The following DMD variants were observed in gnomAD, a reference collection of about 807,000 sequenced individuals.
DMD encodes the protein dystrophin.
Under a neutral mutation model 330.1 loss-of-function variants are expected in DMD, and 63 were observed. The observed-to-expected ratio is 0.19, with a 90% CI of 0.16 to 0.24. DMD has a LOEUF of 0.24. Among genes scored for constraint, DMD ranks in the 10% least tolerant of loss-of-function variants. The pLI is 1.00. For synonymous variants in DMD, 1,223 were observed against 959.8 expected (o/e 1.27, Z -5.07); for missense variants, 3,344 against 2,684.1 (o/e 1.25, Z -5.43).
chrX:33,205,115 C>T (rs1263924134), intron 1 of DMD, among the ~76,000 whole-genome samples: 1 of 112,562 alleles, frequency 8.9e-6, no homozygotes, highest in Non-Finnish European at 1.9e-5. Flanking sequence ...TAGTTAACCA[C>T]CTACAAGCCA....
At chrX:31,607,846 A>C (rs1190294938) in intron 55 of DMD, among the ~76,000 whole-genome samples, 2 of 112,289 alleles carry the variant, frequency 1.8e-5, no homozygotes, top group Non-Finnish European at 3.8e-5. Context: ...ACTAAACATG[A>C]AGAAATTCAG....
chrX:31,569,642 G>GTATATACGTA (rs1286782062), intron 55 of DMD, among the ~76,000 whole-genome samples: 19 of 73,862 alleles, frequency 2.6e-4, no homozygotes, highest in African/African-American at 7.9e-4. Context: ...GTATATATAT[G>GTATATACGTA]TATATACGTA....
At chrX:32,679,560 C>T (rs1407840800) in intron 9 of DMD, among the ~76,000 whole-genome samples, 1 of 109,999 alleles carries the variant, frequency 9.1e-6, no homozygotes, top group East Asian at 2.8e-4. Flanking sequence ...AAATGTAATT[C>T]AAAAACATTT....
chrX:32,733,025 G>A (rs1392791617), intron 7 of DMD, among the ~76,000 whole-genome samples: 2 of 110,139 alleles, frequency 1.8e-5, no homozygotes, highest in African/African-American at 6.7e-5. Flanking sequence ...CCCATCTCAT[G>A]TGCAGAGACA....
At chrX:31,338,294 T>C (rs1298871214) in intron 61 of DMD, among the ~76,000 whole-genome samples, 8 of 75,121 alleles carry the variant, frequency 1.1e-4, no homozygotes, top group Non-Finnish European at 1.7e-4. Context: ...TGAAACCCCG[T>C]CTCTAGTAAA....
intron 42 of DMD, among the ~76,000 whole-genome samples, chrX:32,309,376 TA>T (rs771741599): frequency 9.0e-5 from 10 of 111,388 alleles, no homozygotes; most frequent in Non-Finnish European, 1.9e-4. Context: ...ATTTTGAGTG[TA>T]AAATGTACGA....
intron 43 of DMD, among the ~76,000 whole-genome samples, chrX:32,259,747 T>C (rs1392666755): frequency 8.9e-6 from 1 of 111,903 alleles, no homozygotes; most frequent in Non-Finnish European, 1.9e-5. Flanking sequence ...AGGTCTACAA[T>C]GCTTTGAATG....
chrX:31,266,436 C>T (rs1306070043), intron 62 of DMD, among the ~76,000 whole-genome samples: 1 of 112,601 alleles, frequency 8.9e-6, no homozygotes, highest in African/African-American at 3.2e-5. Context: ...GATTTAGGAA[C>T]AGCCAGCCTT....
intron 1 of DMD, among the ~76,000 whole-genome samples, chrX:33,234,967 G>A (rs772159373): frequency 3.6e-5 from 4 of 111,683 alleles, no homozygotes; most frequent in Non-Finnish European, 7.5e-5. Flanking sequence ...CTGCCCCTCA[G>A]CATGGGCTTC....
rs762045332 is a variant in DMD, at chrX:32,336,175, T to C, written c.5922+5925A>G. 8.2e-5 allele frequency among the ~76,000 whole-genome samples: 9 copies of C among 110,263 alleles called. No homozygotes were observed. In the East Asian group the frequency reaches 1.4e-3, roughly 18 times the overall value. Reference sequence around the variant, plus strand: ...GTTATCTGTGTGTGTATAACATGTGTATATATGTATAGCATGTCATATATA... The same window carrying C: ...GTTATCTGTGTGTGTATAACATGTGCATATATGTATAGCATGTCATATATA... On this transcript the variant is annotated intron_variant, in intron 41 of 78. Transcript: ENST00000357033.
intron 1 of DMD, among the ~76,000 whole-genome samples, chrX:33,251,885 A>G (rs1420186916): frequency 3.6e-5 from 4 of 112,156 alleles, no homozygotes; most frequent in Admixed American, 9.5e-5. Context: ...AGCAAATGTT[A>G]ATGTGTGAAA....
At chrX:32,935,574 C>T (rs1167458333) in intron 2 of DMD, among the ~76,000 whole-genome samples, 2 of 111,866 alleles carry the variant, frequency 1.8e-5, no homozygotes, top group East Asian at 2.8e-4. Flanking sequence ...ACTGTAGCTA[C>T]GAATGTCCTT....
chrX:32,353,959 C>A (rs572899635), intron 37 of DMD, among the ~76,000 whole-genome samples: 1 of 111,437 alleles, frequency 9.0e-6, no homozygotes, highest in South Asian at 3.7e-4. Context: ...AATTTTATAA[C>A]AAGTTAACAA....
intron 62 of DMD, among the ~76,000 whole-genome samples, chrX:31,266,550 C>T (rs2051138757): frequency 8.9e-6 from 1 of 112,218 alleles, no homozygotes; most frequent in Non-Finnish European, 1.9e-5. Flanking sequence ...GAGAAATCAG[C>T]TTTTTCTCTC....
At position 32,310,211 on chromosome X, in the gene DMD, C is replaced by A; in HGVS notation, c.5988G>T (p.Val1996=). The change falls in exon 42 of 79, where the codon GTG becomes GTT. Residue 1996 remains valine, a synonymous_variant. Transcript: ENST00000357033. ...TEDMPLEISY[V]PSTYLTEITH... The stretch of plus-strand genomic sequence containing the variant: ...TGATTTCAGTCAAATAAGTAGAAGG[C>A]ACATAAGAAATTTCCAAAGGCATGT... 1.7e-6 allele frequency: 2 copies of A among 1,208,977 alleles called. No individual in the cohort carries two copies. The highest frequency in any genetic ancestry group is 2.2e-6 in the Non-Finnish European group (2 of 893,582).
intron 1 of DMD, among the ~76,000 whole-genome samples, chrX:33,291,630 C>T (rs150834270): frequency 0.011 from 1,197 of 111,145 alleles, 6 homozygotes; most frequent in Middle Eastern, 0.028. Context: ...AATTTTATTG[C>T]CAAGAGATAG....
At chrX:33,245,527 GTGT>G (rs770900869) in intron 1 of DMD, among the ~76,000 whole-genome samples, 1 of 112,178 alleles carries the variant, frequency 8.9e-6, no homozygotes, top group East Asian at 2.8e-4. Flanking sequence ...GATCTATTCT[GTGT>G]TGTTGTCTTG....
intron 1 of DMD, among the ~76,000 whole-genome samples, chrX:33,048,493 C>G (rs1159475190): frequency 6.4e-5 from 7 of 108,925 alleles, no homozygotes; most frequent in African/African-American, 2.3e-4. Flanking sequence ...AGTTCAAGAC[C>G]AGCGTGCCCA....
chrX:31,474,606 AG>A (rs1343557917), intron 59 of DMD, among the ~76,000 whole-genome samples: 1 of 107,295 alleles, frequency 9.3e-6, no homozygotes, highest in East Asian at 2.9e-4. Context: ...GCTATTTGGG[AG>A]GCTGAGGCGG....
Sources: gnomAD v4.1 joint callset for allele counts (sites outside exome capture counted in the v4.1 genomes callset) on GRCh38, gnomAD v4.1.1 for gene constraint, MANE v1.5 for transcripts, NCBI Gene and HGNC (gene_info 2026-07-23, HGNC 2026-07-21) for gene names.